The following ARSB variants were observed in gnomAD, a reference collection of about 807,000 sequenced individuals.
ARSB encodes N-acetylgalactosamine-4-sulfatase.
In ARSB, 41 loss-of-function variants were observed where a neutral mutation model predicts 50.9. That is an observed-to-expected ratio of 0.81 (90% CI 0.63 to 1.04). The LOEUF (loss-of-function observed/expected upper bound fraction) is 1.04. ARSB is among the 50% of genes least tolerant of loss of function. The pLI is 0.00. For missense variants in ARSB, 672 were observed against 693.3 expected (o/e 0.97, Z 0.35); for synonymous variants, 269 against 284.8 (o/e 0.94, Z 0.56).
At chr5:78,834,607 G>GTATATA (rs58773415) in intron 6 of ARSB, among the ~76,000 whole-genome samples, 4,049 of 85,146 alleles carry the variant, frequency 0.048, 237 homozygotes, top group Non-Finnish European at 0.065. Flanking sequence ...ATATATATGT[G>GTATATA]TATATATATA....
At chr5:78,799,568 G>C (rs1030771906) in intron 6 of ARSB, among the ~76,000 whole-genome samples, 1 of 152,168 alleles carries the variant, frequency 6.6e-6, no homozygotes, top group Non-Finnish European at 1.5e-5. Flanking sequence ...TGATGTGTAT[G>C]GCAAAATCCT....
intron 5 of ARSB, among the ~76,000 whole-genome samples, chr5:78,857,150 T>C (rs999096219): frequency 1.3e-5 from 2 of 152,170 alleles, no homozygotes; most frequent in Non-Finnish European, 2.9e-5. Context: ...GAAGATAAAA[T>C]GAAACATTAA....
intron 6 of ARSB, among the ~76,000 whole-genome samples, chr5:78,834,292 C>T (rs11740160): frequency 0.21 from 31,062 of 151,510 alleles, 3,829 homozygotes; most frequent in Non-Finnish European, 0.26. Flanking sequence ...ATTTACTATC[C>T]TAACCACTTT....
At chr5:78,920,802 T>A (rs980056710) in intron 4 of ARSB, among the ~76,000 whole-genome samples, 2 of 152,290 alleles carry the variant, frequency 1.3e-5, no homozygotes, top group Admixed American at 6.5e-5. Flanking sequence ...GATCTGGCTC[T>A]CCCCAGAGGA....
At chr5:78,931,442 T>G (rs1248609875) in intron 4 of ARSB, among the ~76,000 whole-genome samples, 1 of 152,128 alleles carries the variant, frequency 6.6e-6, no homozygotes, top group Non-Finnish European at 1.5e-5. Flanking sequence ...CCAGCATCTA[T>G]TTTCCGCTCA....
chr5:78,972,446 A>G (rs1035117605), intron 1 of ARSB, among the ~76,000 whole-genome samples: 2 of 151,210 alleles, frequency 1.3e-5, no homozygotes, highest in African/African-American at 4.9e-5. Context: ...GGGACCCTGA[A>G]TGATAAGGAT....
rs143672751 is a variant in ARSB, at chr5:78,854,158, C to T, written c.1143-14732G>A. ...AATCACCCGTCTTCTGTGTCGCTCACGCTGGGAGCTGTAGACCGGAGCTGT... is the reference window on the plus strand; with the variant it reads ...AATCACCCGTCTTCTGTGTCGCTCATGCTGGGAGCTGTAGACCGGAGCTGT... On this transcript the variant is annotated intron_variant, in intron 5 of 7. Transcript: ENST00000264914. Among the ~76,000 whole-genome samples the T allele has an allele frequency of 2.7e-3, 404 of 152,352 alleles. 1 individual carries two copies. The highest frequency in any genetic ancestry group is 9.2e-3 in the African/African-American group (383 of 41,582).
intron 6 of ARSB, among the ~76,000 whole-genome samples, chr5:78,787,102 C>T (rs1237737084): frequency 1.3e-5 from 2 of 150,888 alleles, no homozygotes; most frequent in African/African-American, 4.9e-5. Flanking sequence ...ATCTATCTAT[C>T]TATCTATCTA....
At chr5:78,816,305 A>G (rs1308828000) in intron 6 of ARSB, among the ~76,000 whole-genome samples, 1 of 151,984 alleles carries the variant, frequency 6.6e-6, no homozygotes, top group African/African-American at 2.4e-5. Context: ...CTCAACAAAG[A>G]CTCTTACTGA....
intron 5 of ARSB, among the ~76,000 whole-genome samples, chr5:78,857,549 T>C (rs1746212969): frequency 6.6e-6 from 1 of 152,180 alleles, no homozygotes; most frequent in African/African-American, 2.4e-5. Context: ...TGGTTTTACG[T>C]GAATCAAGGT....
At chr5:78,810,382 G>C (rs1048237982) in intron 6 of ARSB, among the ~76,000 whole-genome samples, 44 of 152,304 alleles carry the variant, frequency 2.9e-4, no homozygotes, top group African/African-American at 1.0e-3. Context: ...AACCCTTCTT[G>C]CTTTGAACAG....
chr5:78,925,192 CA>C (rs1442567959), intron 4 of ARSB, among the ~76,000 whole-genome samples: 4 of 152,144 alleles, frequency 2.6e-5, no homozygotes, highest in African/African-American at 9.7e-5. Flanking sequence ...TCCATAGGAA[CA>C]CAGTTTCTGC....
intron 5 of ARSB, among the ~76,000 whole-genome samples, chr5:78,865,933 T>C (rs1410905834): frequency 1.3e-5 from 2 of 152,316 alleles, no homozygotes; most frequent in African/African-American, 2.4e-5. Flanking sequence ...TCCATATTGC[T>C]ATCAGCATTT....
At chr5:78,941,402 T>TATG (rs1491565619) in intron 4 of ARSB, among the ~76,000 whole-genome samples, 2 of 151,384 alleles carry the variant, frequency 1.3e-5, no homozygotes, top group South Asian at 2.1e-4. Flanking sequence ...GCCCATTCAG[T>TATG]ATATTGGCTG....
intron 5 of ARSB, among the ~76,000 whole-genome samples, chr5:78,866,594 A>G (rs144423830): frequency 4.7e-4 from 71 of 152,342 alleles, no homozygotes; most frequent in African/African-American, 1.6e-3. Flanking sequence ...GTGGGGAGTC[A>G]AAAGGGAGTC....
intron 6 of ARSB, among the ~76,000 whole-genome samples, chr5:78,831,681 G>T (rs1221746244): frequency 6.6e-6 from 1 of 152,142 alleles, no homozygotes; most frequent in Non-Finnish European, 1.5e-5. Flanking sequence ...CAGCATGCAT[G>T]ACCTGGTGCC....
intron 4 of ARSB, among the ~76,000 whole-genome samples, chr5:78,913,282 G>A (rs1052856985): frequency 2.0e-5 from 3 of 151,940 alleles, no homozygotes; most frequent in African/African-American, 7.2e-5. Flanking sequence ...CCGCCACCTC[G>A]CCCGGCTAAT....
At chr5:78,929,951 A>G (rs1750242131) in intron 4 of ARSB, among the ~76,000 whole-genome samples, 1 of 152,218 alleles carries the variant, frequency 6.6e-6, no homozygotes, top group Admixed American at 6.5e-5. Context: ...ATGAGTGGTC[A>G]GGTGACCTCA....
In ARSB at chr5:78,873,796, A is replaced by C. The variant is rs150385714; in HGVS notation, c.1142+11788T>G. Among the ~76,000 whole-genome samples, 180 of 152,314 alleles carry C rather than the reference A, an allele frequency of 1.2e-3. 2 individuals carry two copies. Among genetic ancestry groups the C allele is most frequent in the African/African-American group, 4.1e-3 (169 of 41,568 alleles). On this transcript the variant is annotated intron_variant, in intron 5 of 7. Coordinates refer to ENST00000264914, the MANE Select transcript of ARSB (RefSeq NM_000046.5). ...AGGCGTGAGCCACCGCACCCGGCCTAAAACTGTAATTTTTAAAAACTCTGA... is the reference window on the plus strand; with the variant it reads ...AGGCGTGAGCCACCGCACCCGGCCTCAAACTGTAATTTTTAAAAACTCTGA...
Sources: gnomAD v4.1 joint callset for allele counts (sites outside exome capture counted in the v4.1 genomes callset) on GRCh38, gnomAD v4.1.1 for gene constraint, MANE v1.5 for transcripts, NCBI Gene and HGNC (gene_info 2026-07-23, HGNC 2026-07-21) for gene names.